ZNF638: variants seen among roughly 807,000 people sequenced by gnomAD.
The protein encoded by ZNF638 is zinc finger protein 638.
In ZNF638, 46 loss-of-function variants were observed where a neutral mutation model predicts 195.6. The observed-to-expected ratio is 0.24, with a 90% CI of 0.19 to 0.30. The LOEUF is 0.30. Ranked by LOEUF, ZNF638 falls within the 10% of genes least tolerant of loss-of-function variation. ZNF638 has a pLI of 1.00. For missense variants in ZNF638, 2,440 were observed against 2,325.3 expected (o/e 1.05, Z -1.01); for synonymous variants, 845 against 772.0 (o/e 1.09, Z -1.57).
intron 18 of ZNF638, 120 bp downstream of exon 18, chr2:71,405,762 G>T: frequency 1.4e-6 from 1 of 722,626 alleles, no homozygotes. Flanking sequence ...AGGTGATGGA[G>T]ATGTCAGATG....
intron 19 of ZNF638, chr2:71,407,886 T>G (rs548713479): frequency 5.6e-6 from 2 of 359,416 alleles, no homozygotes; most frequent in Admixed American, 9.2e-5. Context: ...ATAATTCTGT[T>G]TTACGCATGT....
At chr2:71,431,217 A>T in intron 25 of ZNF638, 110 bp from the exon 26 acceptor site, 1 of 860,860 alleles carries the variant, frequency 1.2e-6, no homozygotes, top group Non-Finnish European at 1.8e-6. Context: ...AGATGGGATT[A>T]ACAAAGGGAG....
chr2:71,359,076 C>T (rs1225255378), intron 3 of ZNF638, among the ~76,000 whole-genome samples: 1 of 152,086 alleles, frequency 6.6e-6, no homozygotes, highest in Non-Finnish European at 1.5e-5. Context: ...ATGTGACTCG[C>T]TTAGTGTGAT....
intron 1 of ZNF638, among the ~76,000 whole-genome samples, chr2:71,343,090 C>G (rs571308830): frequency 2.4e-4 from 36 of 152,278 alleles, no homozygotes; most frequent in African/African-American, 8.7e-4. Context: ...GTAGAAGATG[C>G]CATCCTACAA....
intron 19 of ZNF638, 50 bp downstream of exon 19, chr2:71,406,312 A>G (rs368662320): frequency 2.0e-6 from 3 of 1,525,308 alleles, no homozygotes; most frequent in African/African-American, 2.7e-5. Context: ...AGAATGTATA[A>G]TAACCCTGTA....
intron 21 of ZNF638, among the ~76,000 whole-genome samples, chr2:71,419,707 T>C (rs1275059868): frequency 6.6e-6 from 1 of 152,160 alleles, no homozygotes; most frequent in Non-Finnish European, 1.5e-5. Context: ...ACAGTGCCTA[T>C]GTAGTACTAT....
chr2:71,402,751 T>C (rs1053215506), intron 16 of ZNF638, among the ~76,000 whole-genome samples: 1 of 152,192 alleles, frequency 6.6e-6, no homozygotes, highest in African/African-American at 2.4e-5. Context: ...TATGTTTAAT[T>C]GAGCGAGATT....
At position 71,435,009 on chromosome 2, in the gene ZNF638, A is replaced by T. The variant is rs1417314740; in HGVS notation, c.*202A>T. 4.2e-6 allele frequency: 2 copies of T among 477,476 alleles called. No homozygotes were observed. Among genetic ancestry groups the T allele is most frequent in the African/African-American group, 4.1e-5 (2 of 49,304 alleles). 29.6% of individuals were successfully genotyped at this position (477,476 alleles called of 1,614,324 possible). Reference sequence around the variant, plus strand: ...ATATCAAATCATCAGGCATGGAGAAATATCTTTTAGAAGTGTTAAAATAAA... The same window carrying T: ...ATATCAAATCATCAGGCATGGAGAATTATCTTTTAGAAGTGTTAAAATAAA... On this transcript the variant is annotated 3_prime_UTR_variant, in exon 28 of 28. Transcript: ENST00000264447.
chr2:71,418,422 C>A (rs889561587), intron 20 of ZNF638, 180 bp from the exon 21 acceptor site: 5 of 399,032 alleles, frequency 1.3e-5, no homozygotes, highest in Non-Finnish European at 1.3e-5. Context: ...ATTTGGAGGT[C>A]TTTAATTAGA....
chr2:71,334,025 C>A (rs112549160), intron 1 of ZNF638, among the ~76,000 whole-genome samples: 2 of 152,200 alleles, frequency 1.3e-5, no homozygotes, highest in Non-Finnish European at 2.9e-5. Context: ...TCTAATCTAA[C>A]TTTCATTAAA....
chr2:71,372,023 T>C (rs75474484), intron 8 of ZNF638, among the ~76,000 whole-genome samples: 1 of 152,088 alleles, frequency 6.6e-6, no homozygotes, highest in Non-Finnish European at 1.5e-5. Context: ...TGTTTTCTTG[T>C]AGTAGTTTCA....
intron 8 of ZNF638, among the ~76,000 whole-genome samples, chr2:71,379,296 A>G (rs1424969504): frequency 6.6e-6 from 1 of 152,170 alleles, no homozygotes; most frequent in African/African-American, 2.4e-5. Flanking sequence ...GAAAATATTG[A>G]ATAGAAAATT....
chr2:71,369,317 C>T (rs1321615773), intron 7 of ZNF638, among the ~76,000 whole-genome samples: 2 of 114,946 alleles, frequency 1.7e-5, no homozygotes, highest in Non-Finnish European at 3.6e-5. Flanking sequence ...AGTAAGGCTC[C>T]GTCTCAAAAA....
At position 71,349,995 on chromosome 2, in the gene ZNF638, G is replaced by A; in HGVS notation, c.1041G>A (p.Gln347=). ...FSSELISSVS[Q]QERIPHEPVI... ...CGGAATTAATTTCATCTGTAAGCCAGCAAGAGCGGATCCCACATGAACCTG... is the reference window on the plus strand; with the variant it reads ...CGGAATTAATTTCATCTGTAAGCCAACAAGAGCGGATCCCACATGAACCTG... Residue 347 remains glutamine (Q), a synonymous_variant, in exon 2 of 28, where the codon CAG becomes CAA. Coordinates refer to ENST00000264447, the MANE Select transcript of ZNF638 (RefSeq NM_014497.5). 6.2e-7 allele frequency: 1 copy of A among 1,614,204 alleles called. No individual in the cohort carries two copies. The highest frequency in any genetic ancestry group is 8.5e-7 in the Non-Finnish European group (1 of 1,180,040).
intron 1 of ZNF638, among the ~76,000 whole-genome samples, chr2:71,346,541 T>C (rs1399208465): frequency 2.0e-5 from 3 of 152,224 alleles, no homozygotes; most frequent in African/African-American, 7.2e-5. Flanking sequence ...ATGAGTACTT[T>C]GGATGTGACC....
chr2:71,376,575 G>A (rs2079429958), intron 8 of ZNF638, among the ~76,000 whole-genome samples: 1 of 152,064 alleles, frequency 6.6e-6, no homozygotes, highest in South Asian at 2.1e-4. Flanking sequence ...CTTGATTTTG[G>A]CATGGCATGT....
chr2:71,417,799 A>C (rs1189466311), intron 20 of ZNF638, among the ~76,000 whole-genome samples: 6 of 152,134 alleles, frequency 3.9e-5, no homozygotes, highest in African/African-American at 1.4e-4. Context: ...TTATCACCAG[A>C]TATCCCAGTA....
intron 22 of ZNF638, among the ~76,000 whole-genome samples, chr2:71,424,319 A>T (rs1414250214): frequency 6.6e-6 from 1 of 151,942 alleles, no homozygotes; most frequent in Admixed American, 6.6e-5. Flanking sequence ...GTCTGCAGTG[A>T]ATCTCCTAAG....
intron 7 of ZNF638, 75 bp downstream of exon 7, chr2:71,368,603 C>A: frequency 6.7e-7 from 1 of 1,501,830 alleles, no homozygotes; most frequent in East Asian, 2.3e-5. Flanking sequence ...CTGTTGTGTT[C>A]CTTAGCTGCT....
Sources: gnomAD v4.1 joint callset for allele counts (sites outside exome capture counted in the v4.1 genomes callset) on GRCh38, gnomAD v4.1.1 for gene constraint, MANE v1.5 for transcripts, NCBI Gene and HGNC (gene_info 2026-07-23, HGNC 2026-07-21) for gene names.